LGALS2: variants seen among roughly 807,000 people sequenced by gnomAD.
LGALS2 encodes galectin 2.
LGALS2 carries 7 observed loss-of-function variants against 10.1 expected under a neutral mutation model. The ratio of observed to expected loss-of-function variants is 0.70; its 90% CI spans 0.40 to 1.31. The LOEUF (loss-of-function observed/expected upper bound fraction) is 1.31, where lower values mean the gene tolerates loss of function less well. Ranked by LOEUF, LGALS2 falls within the 50% of genes most tolerant of loss-of-function variation. The pLI, the probability that LGALS2 is intolerant of heterozygous loss-of-function variation, is 0.01. For missense variants in LGALS2, 167 were observed against 163.6 expected, an observed-to-expected ratio of 1.02 and a Z score of -0.11; for synonymous variants, 86 against 64.2, an observed-to-expected ratio of 1.34 and a Z score of -1.63.
Position 37,570,417 on chromosome 22 carries a change from G to C in LGALS2, c.250-5C>G, listed in dbSNP as rs201173067. 5.0e-4 allele frequency: 810 copies of C among 1,611,930 alleles called. 4 individuals are homozygous for C. Among genetic ancestry groups the C allele is most frequent in the Non-Finnish European group, 2.2e-4 (261 of 1,178,664 alleles). On this transcript the variant is annotated splice_region_variant and splice_polypyrimidine_tract_variant and intron_variant, in intron 3 of 3. Transcript: ENST00000215886. ...ACTCTCAAAGGTCACTGTGAACTGT[G>C]GGGAGGGAGGGTGTCAAGGAGGCAG... is the stretch of plus-strand genomic sequence containing the variant.
intron 1 of LGALS2, among the ~76,000 whole-genome samples, chr22:37,574,101 G>T (rs1291421254): frequency 3.3e-5 from 5 of 152,082 alleles, no homozygotes; most frequent in African/African-American, 4.8e-5. Context: ...ATTACTTGTT[G>T]TTAAGATTCA....
chr22:37,570,672 G>A lies in LGALS2; in HGVS notation c.153C>T (p.Ser51=), dbSNP rs766720583. Residue 51 remains serine, a synonymous_variant, in exon 3 of 4, where the codon AGC becomes AGT. Transcript: ENST00000215886. ...KLNLHFNPRF[S]ESTIVCNSLD... ...ATGAGTTGCAGACAATGGTGGATTCGCTGAAGCGAGGGTTGAAATGCAGGT... is the reference window on the plus strand; with the variant it reads ...ATGAGTTGCAGACAATGGTGGATTCACTGAAGCGAGGGTTGAAATGCAGGT... The A allele has an allele frequency of 8.1e-6, 13 of 1,614,114 alleles. No individual in the cohort carries two copies. The highest frequency in any genetic ancestry group is 5.5e-5 in the South Asian group (5 of 91,084).
chr22:37,576,310 G>C (rs1738261958), intron 1 of LGALS2, among the ~76,000 whole-genome samples: 1 of 151,934 alleles, frequency 6.6e-6, no homozygotes, highest in Admixed American at 6.5e-5. Flanking sequence ...AAATTAGCCG[G>C]GCGTGGTGGC....
intron 2 of LGALS2, 76 bp from the exon 3 acceptor site, chr22:37,570,811 T>G: frequency 6.6e-7 from 1 of 1,519,438 alleles, no homozygotes; most frequent in Non-Finnish European, 9.1e-7. Context: ...GGACCTTGGT[T>G]GACCACAAGC....
Position 37,570,651 on chromosome 22 carries a change from G to T in LGALS2, c.174C>A (p.Asn58Lys). ...GCCCCCAGTTGCTGCCGTCCAATGA[G>T]TTGCAGACAATGGTGGATTCGCTGA... The part of the protein sequence containing the change: ...PRFSESTIVC[N>K]SLDGSNWGQE... Residue 58 changes from asparagine to lysine, a missense_variant, in exon 3 of 4, where the codon AAC becomes AAA. Transcript: ENST00000215886. 2.5e-6 allele frequency: 4 copies of T among 1,614,274 alleles called. No individual in the cohort carries two copies. Among genetic ancestry groups the T allele is most frequent in the Non-Finnish European group, 3.4e-6 (4 of 1,180,048 alleles).
chr22:37,577,639 A>G (rs1024790327), intron 1 of LGALS2, among the ~76,000 whole-genome samples: 1 of 151,778 alleles, frequency 6.6e-6, no homozygotes, highest in African/African-American at 2.4e-5. Context: ...TCGGCCTCCC[A>G]AAGTGCTGGG....
At chr22:37,572,401 G>A (rs1272836434) in intron 1 of LGALS2, among the ~76,000 whole-genome samples, 1 of 152,326 alleles carries the variant, frequency 6.6e-6, no homozygotes, top group South Asian at 2.1e-4. Flanking sequence ...GGAGGCCGAG[G>A]CGGGCTGATC....
At chr22:37,576,990 T>TG (rs112028927) in intron 1 of LGALS2, among the ~76,000 whole-genome samples, 48,734 of 106,780 alleles carry the variant, frequency 0.46, 8,922 homozygotes, top group African/African-American at 0.54. Flanking sequence ...TCCCTAGAGC[T>TG]GGGGGGGTGG....
chr22:37,571,742 G>T (rs1925503676), intron 2 of LGALS2, 107 bp downstream of exon 2: 8 of 854,196 alleles, frequency 9.4e-6, no homozygotes, highest in Non-Finnish European at 1.6e-5. Context: ...GGGCCCATTG[G>T]CCTGACGTCC....
Position 37,577,341 on chromosome 22 carries a change from G to A in LGALS2, c.6+2559C>T, listed in dbSNP as rs577151886. 2.9e-4 allele frequency among the ~76,000 whole-genome samples: 42 copies of A among 145,418 alleles called. No individual in the cohort carries two copies. The South Asian group carries it at 6.1e-3, about 21-fold the overall frequency. On this transcript the variant is annotated intron_variant, in intron 1 of 3. Transcript: ENST00000215886. ...GAAAATTCATGTCCACCTGGAACCTGTCAATGTGACCTTTTTTTTTTTTTT... is the reference window on the plus strand; with the variant it reads ...GAAAATTCATGTCCACCTGGAACCTATCAATGTGACCTTTTTTTTTTTTTT...
chr22:37,570,622 T>A lies in LGALS2; in HGVS notation c.203A>T (p.Glu68Val), dbSNP rs1385870841. 1 of 1,614,124 alleles carries A rather than the reference T, an allele frequency of 6.2e-7. No homozygotes were observed. Among genetic ancestry groups the A allele is most frequent in the African/African-American group, 1.3e-5 (1 of 74,948 alleles). ...NSLDGSNWGQ[E>V]QREDHLCFSP... ...GAAGCACAGGTGATCTTCCCGTTGTTCTTGCCCCCAGTTGCTGCCGTCCAA... is the reference window on the plus strand; with the variant it reads ...GAAGCACAGGTGATCTTCCCGTTGTACTTGCCCCCAGTTGCTGCCGTCCAA... Residue 68 changes from glutamate to valine, a missense_variant, in exon 3 of 4, where the codon GAA becomes GTA. Transcript: ENST00000215886.
chr22:37,574,388 T>C (rs2145820939), intron 1 of LGALS2, among the ~76,000 whole-genome samples: 1 of 151,528 alleles, frequency 6.6e-6, no homozygotes, highest in South Asian at 2.1e-4. Context: ...TGGTGGCACA[T>C]GCCTGTCGTC....
intron 3 of LGALS2, 23 bp downstream of exon 3, chr22:37,570,553 G>T: frequency 6.2e-7 from 1 of 1,614,018 alleles, no homozygotes; most frequent in South Asian, 1.1e-5. Context: ...TCACCCCAGT[G>T]CCCTTTCCCC....
At chr22:37,576,052 C>G (rs1179097270) in intron 1 of LGALS2, among the ~76,000 whole-genome samples, 1 of 152,198 alleles carries the variant, frequency 6.6e-6, no homozygotes, top group Admixed American at 6.5e-5. Flanking sequence ...AACCTCCCTG[C>G]TTTAGAGAAA....
At chr22:37,578,204 A>G (rs1225792236) in intron 1 of LGALS2, among the ~76,000 whole-genome samples, 1 of 152,230 alleles carries the variant, frequency 6.6e-6, no homozygotes, top group Non-Finnish European at 1.5e-5. Context: ...TCAACGAATC[A>G]GAGACCTCAG....
intron 1 of LGALS2, among the ~76,000 whole-genome samples, chr22:37,578,156 G>C (rs1003231041): frequency 1.3e-5 from 2 of 152,232 alleles, no homozygotes; most frequent in Admixed American, 6.5e-5. Flanking sequence ...ACTTGGCCAA[G>C]GCCACACAGT....
intron 1 of LGALS2, among the ~76,000 whole-genome samples, chr22:37,577,919 C>A (rs1211102914): frequency 6.6e-6 from 1 of 152,180 alleles, no homozygotes; most frequent in East Asian, 1.9e-4. Flanking sequence ...AAGAACCCTC[C>A]CCTTGCGCCT....
intron 1 of LGALS2, among the ~76,000 whole-genome samples, chr22:37,577,243 C>T (rs968972402): frequency 3.3e-5 from 5 of 152,138 alleles, no homozygotes; most frequent in Admixed American, 3.3e-4. Flanking sequence ...GTGATGAGGG[C>T]ATAGACCCTT....
chr22:37,570,839 G>C (rs1380248964), intron 2 of LGALS2, 104 bp from the exon 3 acceptor site: 2 of 1,306,636 alleles, frequency 1.5e-6, no homozygotes, highest in Non-Finnish European at 2.2e-6. Context: ...ATCAAAGCTT[G>C]TGTTAGTTGA....
Sources: gnomAD v4.1 joint callset for allele counts (sites outside exome capture counted in the v4.1 genomes callset) on GRCh38, gnomAD v4.1.1 for gene constraint, MANE v1.5 for transcripts, NCBI Gene and HGNC (gene_info 2026-07-23, HGNC 2026-07-21) for gene names.